The following PTPRU variants were observed in gnomAD, a reference collection of about 807,000 sequenced individuals.
The protein encoded by PTPRU is receptor-type tyrosine-protein phosphatase U.
A neutral mutation model predicts 166.3 loss-of-function variants in PTPRU; 69 were observed. That is an observed-to-expected ratio of 0.41 (90% CI 0.34 to 0.51). PTPRU has a LOEUF of 0.51. Ranked by LOEUF, PTPRU falls within the 20% of genes least tolerant of loss-of-function variation. PTPRU has a pLI of 0.09. For missense variants in PTPRU, 1,657 were observed against 2,013.7 expected (o/e 0.82, Z 3.39); for synonymous variants, 793 against 814.0 (o/e 0.97, Z 0.44).
At chr1:29,292,093 C>G (rs1328608124) in intron 15 of PTPRU, 67 bp downstream of exon 15, 7 of 1,577,254 alleles carry the variant, frequency 4.4e-6, no homozygotes, top group Middle Eastern at 1.7e-4. Flanking sequence ...CAATAGGGTC[C>G]CCACATCAGG....
intron 14 of PTPRU, among the ~76,000 whole-genome samples, chr1:29,286,867 C>A (rs888285238): frequency 6.6e-6 from 1 of 152,194 alleles, no homozygotes; most frequent in South Asian, 2.1e-4. Context: ...CCTCATCCCC[C>A]ATCACTCTGG....
chr1:29,304,264 C>A, intron 16 of PTPRU, among the ~76,000 whole-genome samples: 1 of 152,166 alleles, frequency 6.6e-6, no homozygotes, highest in East Asian at 1.9e-4. Flanking sequence ...GAAATCTGAC[C>A]TTGAATCTCG....
In PTPRU at chr1:29,326,071, C is replaced by T; in HGVS notation, c.*410C>T. 2.5e-6 allele frequency: 1 copy of T among 401,692 alleles called. No homozygotes were observed. Among genetic ancestry groups the T allele is most frequent in the Non-Finnish European group, 4.4e-6 (1 of 228,754 alleles). The allele number at this position is 401,692 out of a possible 1,614,324, so 24.9% of individuals were successfully genotyped here. ...ATCCCAGGCCAAGGTTCCCACTCAG[C>T]CTGCCCCCTCTGCATGTGGGTAGAG... On this transcript the variant is annotated 3_prime_UTR_variant, in exon 30 of 30. Coordinates refer to ENST00000373779, the MANE Select transcript of PTPRU (RefSeq NM_133178.4).
At chr1:29,270,959 AACAC>A (rs933998336) in intron 7 of PTPRU, among the ~76,000 whole-genome samples, 3 of 152,224 alleles carry the variant, frequency 2.0e-5, no homozygotes, top group African/African-American at 7.2e-5. Context: ...CAAAAAAACA[AACAC>A]AAACAAACAA....
At chr1:29,305,292 C>G in intron 17 of PTPRU, 60 bp from the exon 18 acceptor site, 1 of 1,539,420 alleles carries the variant, frequency 6.5e-7, no homozygotes, top group Non-Finnish European at 9.0e-7. Flanking sequence ...GAATCCCTCC[C>G]TGACTGCCTA....
rs1685975677 is a variant in PTPRU, at chr1:29,279,733, T to TG, written c.1765+82dup. On this transcript the variant is annotated intron_variant, in intron 10 of 29. Coordinates refer to ENST00000373779, the MANE Select transcript of PTPRU (RefSeq NM_133178.4). This position sits in a 1 kb window ranked among gnomAD's most constrained non-coding sequence, Gnocchi z 5.2. ...CAGGGTTCCATGGGCAGAAGGGAAATGGGGGGCATCCTGGGGGTAGTTACA... is the reference window on the plus strand; with the variant it reads ...CAGGGTTCCATGGGCAGAAGGGAAATGGGGGGGCATCCTGGGGGTAGTTACA... 3 of 1,514,806 alleles carry TG rather than the reference T, an allele frequency of 2.0e-6. No individual in the cohort carries two copies. The East Asian group carries it at 6.8e-5, about 34-fold the overall frequency. 93.8% of individuals were successfully genotyped at this position (1,514,806 alleles called of 1,614,324 possible). A position where few individuals can be genotyped will look rare whatever the true frequency, so the allele number is the denominator to read the frequency against.
In PTPRU at chr1:29,236,540, G is replaced by A; in HGVS notation, c.-105G>A. 3 of 887,896 alleles carry A rather than the reference G, an allele frequency of 3.4e-6. No individual in the cohort carries two copies. Among genetic ancestry groups the A allele is most frequent in the Non-Finnish European group, 2.8e-6 (2 of 707,852 alleles). 55.0% of individuals were successfully genotyped at this position (887,896 alleles called of 1,614,324 possible). On this transcript the variant is annotated 5_prime_UTR_variant, in exon 1 of 30. Transcript: ENST00000373779. This position sits in a 1 kb window ranked among gnomAD's most constrained non-coding sequence, Gnocchi z 4.6. ...CGGCGCCAGTCCCGCTCCGCGCCGC[G>A]CCGCTCCGCTCCGGCTCGGGCTCCG...
chr1:29,274,650 A>G (rs1209157656), intron 7 of PTPRU, among the ~76,000 whole-genome samples: 1 of 152,210 alleles, frequency 6.6e-6, no homozygotes, highest in Non-Finnish European at 1.5e-5. Context: ...TTGTTTCAGA[A>G]CAAGTTTGGA....
At position 29,238,036 on chromosome 1, in the gene PTPRU, G is replaced by T. The variant is rs914731328; in HGVS notation, c.73+1319G>T. Among the ~76,000 whole-genome samples the T allele has an allele frequency of 1.3e-5, 2 of 151,502 alleles. No individual in the cohort carries two copies. The highest frequency in any genetic ancestry group is 4.8e-5 in the African/African-American group (2 of 41,328). Reference sequence around the variant, plus strand: ...TTGGTGGAGCCTGCAACTTTGTGCGGCCTCCCGGCCGGCCGGGACCGCCAG... The same window carrying T: ...TTGGTGGAGCCTGCAACTTTGTGCGTCCTCCCGGCCGGCCGGGACCGCCAG... On this transcript the variant is annotated intron_variant, in intron 1 of 29. Coordinates refer to ENST00000373779, the MANE Select transcript of PTPRU (RefSeq NM_133178.4). The surrounding 1 kb of genome is among the most constrained non-coding windows in gnomAD (Gnocchi z 6.1).
chr1:29,278,985 C>G, intron 8 of PTPRU, 27 bp from the exon 9 acceptor site: 1 of 1,545,978 alleles, frequency 6.5e-7, no homozygotes, highest in Non-Finnish European at 8.8e-7. Flanking sequence ...CCACTTTCCC[C>G]TGGCCCCTGC....
chr1:29,292,815 G>GTTTTT lies in PTPRU; in HGVS notation c.2476+801_2476+805dup, dbSNP rs774242717. ...GTAAATATTCCCTTGAAATTGTTGT[G>GTTTTT]TTTTTTTTTTTTTTTTGTGAGATGG... On this transcript the variant is annotated intron_variant, in intron 15 of 29. Transcript: ENST00000373779. Among the ~76,000 whole-genome samples the GTTTTT allele has an allele frequency of 2.8e-4, 37 of 132,978 alleles. No individual in the cohort carries two copies. The South Asian group carries it at 7.2e-3, about 26-fold the overall frequency. 87.2% of individuals were successfully genotyped at this position (132,978 alleles called of 152,430 possible).
At position 29,275,596 on chromosome 1, in the gene PTPRU, C is replaced by G; in HGVS notation, c.1293C>G (p.His431Gln). 3.1e-6 allele frequency: 5 copies of G among 1,614,220 alleles called. No homozygotes were observed. The highest frequency in any genetic ancestry group is 4.2e-6 in the Non-Finnish European group (5 of 1,180,048). ...ATCACTACACCCTGGGCAGCAGCCA[C>G]AACCAGACCATCCGAGAGTGTGTGA... is the stretch of plus-strand genomic sequence containing the variant. ...LCYHYTLGSS[H>Q]NQTIRECVKT... Residue 431 changes from histidine (H) to glutamine (Q), a missense_variant, in exon 8 of 30, where the codon CAC becomes CAG. This residue lies in a region of PTPRU where 1,190 missense variants were observed against 1,477.4 expected (regional missense o/e 0.81). Transcript: ENST00000373779.
rs1557437634 is a variant in PTPRU at position 29,275,460 on chromosome 1, C to T, written c.1157C>T (p.Ala386Val). The T allele has an allele frequency of 6.2e-7, 1 of 1,613,170 alleles. No individual in the cohort carries two copies. The highest frequency in any genetic ancestry group is 8.5e-7 in the Non-Finnish European group (1 of 1,179,196). ...SRTKCAEPMR[A>V]PKGLAFAEIQ... is the part of the protein sequence containing the mutation. ...CTGCATTCTCCAGAGCCCATGAGGG[C>T]CCCCAAAGGCCTGGCTTTTGCTGAG... The change falls in exon 8 of 30, where the codon GCC (alanine) becomes GTC (valine). Residue 386 changes from alanine to valine, a missense_variant. Ala to Val is a moderately conservative substitution (Grantham distance 64). Around this residue, in one of 3 missense-constraint regions of PTPRU, gnomAD observed 1,190 missense variants for 1,477.4 expected, o/e 0.81. Transcript: ENST00000373779.
Position 29,259,438 on chromosome 1 carries a change from T to G in PTPRU, c.560-11T>G. ...GCAGGCCCAGCTCACGATGCAGCTC[T>G]AACCCCGCAGCAAAGGCCCCACACT... is the stretch of plus-strand genomic sequence containing the variant. On this transcript the variant is annotated splice_polypyrimidine_tract_variant and intron_variant, in intron 4 of 29. Transcript: ENST00000373779. 2.5e-6 allele frequency: 4 copies of G among 1,610,120 alleles called. No homozygotes were observed. Among genetic ancestry groups the G allele is most frequent in the Non-Finnish European group, 3.4e-6 (4 of 1,177,416 alleles).
chr1:29,280,022 C>T lies in PTPRU; in HGVS notation c.1766-17C>T, dbSNP rs1044585470. On this transcript the variant is annotated splice_polypyrimidine_tract_variant and intron_variant, in intron 10 of 29. Transcript: ENST00000373779. This position sits in a 1 kb window ranked among gnomAD's most constrained non-coding sequence, Gnocchi z 4.2. ...CAGTGGCCAAGCTCCAGCTTGTGAC[C>T]CTGTCCCCTTCTCCAGCTCCCAGCT... 1.9e-6 allele frequency: 3 copies of T among 1,604,984 alleles called. No homozygotes were observed.
chr1:29,280,043 C>G lies in PTPRU; in HGVS notation c.1770C>G (p.Pro590=). The G allele has an allele frequency of 6.2e-7, 1 of 1,613,188 alleles. No homozygotes were observed. Among genetic ancestry groups the G allele is most frequent in the Non-Finnish European group, 8.5e-7 (1 of 1,179,460 alleles). Reference sequence around the variant, plus strand: ...TGACCCTGTCCCCTTCTCCAGCTCCCAGCTTTGATTATGCCGACATGCCGT... The same window carrying G: ...TGACCCTGTCCCCTTCTCCAGCTCCGAGCTTTGATTATGCCGACATGCCGT... ...LTEITTNISA[P]SFDYADMPSP... The change falls in exon 11 of 30, where the codon CCC becomes CCG. Residue 590 remains proline (P), a synonymous_variant. Transcript: ENST00000373779. This position sits in a 1 kb window ranked among gnomAD's most constrained non-coding sequence, Gnocchi z 4.2.
intron 1 of PTPRU, among the ~76,000 whole-genome samples, chr1:29,241,384 A>G (rs1165283174): frequency 1.3e-5 from 2 of 151,800 alleles, no homozygotes; most frequent in Non-Finnish European, 2.9e-5. Context: ...GTGGGTATTT[A>G]TAAGTGGGGA....
chr1:29,294,606 G>A (rs1353106429), intron 15 of PTPRU, among the ~76,000 whole-genome samples: 1 of 151,918 alleles, frequency 6.6e-6, no homozygotes, highest in Non-Finnish European at 1.5e-5. Context: ...TTTTCTTTGT[G>A]ATTTCTACTT....
chr1:29,241,172 T>C (rs1447427422), intron 1 of PTPRU, among the ~76,000 whole-genome samples: 3 of 152,118 alleles, frequency 2.0e-5, no homozygotes, highest in Non-Finnish European at 4.4e-5. Context: ...CTGGGGAGCC[T>C]GGTGCTAAGG....
Sources: gnomAD v4.1 joint callset for allele counts (sites outside exome capture counted in the v4.1 genomes callset) on GRCh38, gnomAD v4.1.1 for gene constraint, gnomAD v4.1.1 regional missense constraint, Gnocchi (gnomAD v3.1) non-coding constraint, MANE v1.5 for transcripts, NCBI Gene and HGNC (gene_info 2026-07-23, HGNC 2026-07-21) for gene names.